Variants in GPS1 observed in about 807,000 individuals in gnomAD.
GPS1 encodes the protein COP9 signalosome complex subunit 1.
GPS1 carries 11 observed loss-of-function variants against 60.0 expected under a neutral mutation model. The ratio of observed to expected loss-of-function variants is 0.18; its 90% CI spans 0.12 to 0.30. GPS1 has a LOEUF of 0.30. Ranked by LOEUF, GPS1 falls within the 10% of genes least tolerant of loss-of-function variation. The pLI is 1.00. For missense variants in GPS1, 543 were observed against 669.2 expected (o/e 0.81, Z 2.08); for synonymous variants, 343 against 269.8 (o/e 1.27, Z -2.66).
In GPS1 at chr17:82,051,928, C is replaced by T. The variant is rs965593751; in HGVS notation, c.-4C>T. On this transcript the variant is annotated 5_prime_UTR_variant, in exon 1 of 13. Coordinates refer to ENST00000578552, the MANE Select transcript of GPS1 (RefSeq NM_001321092.3). The surrounding 1 kb of genome is among the most constrained non-coding windows in gnomAD (Gnocchi z 4.1). Reference sequence around the variant, plus strand: ...ACGGCACGCCGCGGCGGGGTGGGTGCAAGATGCCGCTGCCGGTTCAGGTGT... The same window carrying T: ...ACGGCACGCCGCGGCGGGGTGGGTGTAAGATGCCGCTGCCGGTTCAGGTGT... The T allele has an allele frequency of 6.0e-6, 7 of 1,163,584 alleles. No homozygotes were observed. The highest frequency in any genetic ancestry group is 4.7e-5 in the Admixed American group (1 of 21,208). 72.1% of individuals were successfully genotyped at this position (1,163,584 alleles called of 1,614,324 possible).
chr17:82,057,176 C>T lies in GPS1; in HGVS notation c.*49C>T, dbSNP rs57800087. ...CATCTGCACCCCCTCCCCACCTCCA[C>T]GGACCTCGGACCTCCAGGCGGCTCA... On this transcript the variant is annotated 3_prime_UTR_variant, in exon 13 of 13. Transcript: ENST00000578552. The T allele has an allele frequency of 1.3e-3, 2,014 of 1,573,414 alleles. 17 individuals are homozygous for T. In the African/African-American group the frequency reaches 0.021, roughly 16 times the overall value.
Position 82,056,487 on chromosome 17 carries a change from C to T in GPS1, c.1053C>T (p.Asp351=). 6.2e-7 allele frequency: 1 copy of T among 1,613,200 alleles called. No homozygotes were observed. Among genetic ancestry groups the T allele is most frequent in the Non-Finnish European group, 8.5e-7 (1 of 1,179,992 alleles). The change falls in exon 10 of 13, where the codon GAC becomes GAT. Residue 351 remains aspartate (D), a synonymous_variant. Transcript: ENST00000578552. The part of the protein sequence containing the change: ...LDEMKDNLLL[D]MYLAPHVRTL... The stretch of plus-strand genomic sequence containing the variant: ...TTCCCCAGGACAACCTGCTCCTGGA[C>T]ATGTATCTGGCCCCCCATGTCAGGA...
intron 1 of GPS1, 30 bp from the exon 2 acceptor site, chr17:82,053,244 G>A (rs1427548723): frequency 1.3e-6 from 2 of 1,512,778 alleles, no homozygotes; most frequent in Non-Finnish European, 8.8e-7. Context: ...TCCCCAGGAC[G>A]AGGTGCCAGG....
At chr17:82,055,109 G>A (rs765071154) in intron 5 of GPS1, 53 bp from the exon 6 acceptor site, 2 of 1,564,692 alleles carry the variant, frequency 1.3e-6, no homozygotes, top group Non-Finnish European at 1.7e-6. Flanking sequence ...GCTGGGCATC[G>A]AGCTCTAGGA....
chr17:82,056,026 T>C lies in GPS1; in HGVS notation c.860T>C (p.Ile287Thr). 1 of 1,612,134 alleles carries C rather than the reference T, an allele frequency of 6.2e-7. No individual in the cohort carries two copies. Among genetic ancestry groups the C allele is most frequent in the African/African-American group, 1.3e-5 (1 of 75,044 alleles). Residue 287 changes from isoleucine (I) to threonine (T), a missense_variant, in exon 8 of 13, where the codon ATC becomes ACC. By Grantham distance (89) the Ile-to-Thr change is moderately conservative (BLOSUM62 -1). Transcript: ENST00000578552. ...PELLSPSNVA[I>T]YGGLCALATF... ...CTGCTGTCCCCCAGCAACGTGGCCA[T>C]CTACGGTGGCCTGTGCGCCTTGGCT...
intron 3 of GPS1, 80 bp downstream of exon 3, chr17:82,054,129 C>G (rs866563479): frequency 2.1e-6 from 3 of 1,423,612 alleles, no homozygotes; most frequent in Admixed American, 4.6e-5. Context: ...CCTTCCTGTG[C>G]CCTGCATCTC....
intron 1 of GPS1, chr17:82,052,463 C>G (rs367679480): frequency 4.2e-5 from 67 of 1,608,634 alleles, no homozygotes; most frequent in Non-Finnish European, 5.6e-5. Context: ...CTACGAGGTA[C>G]CTTCCAGGAC....
chr17:82,052,662 C>A (rs1033240380), intron 1 of GPS1: 88 of 628,234 alleles, frequency 1.4e-4, no homozygotes, highest in Non-Finnish European at 2.2e-4. Context: ...CGCGGGAGGC[C>A]CACGGGTCCG....
At position 82,056,547 on chromosome 17, in the gene GPS1, C is replaced by T. The variant is rs370020268; in HGVS notation, c.1113C>T (p.Ile371=). Residue 371 remains isoleucine, a synonymous_variant, in exon 10 of 13, where the codon ATC becomes ATT. Coordinates refer to ENST00000578552, the MANE Select transcript of GPS1 (RefSeq NM_001321092.3). ...LYTQIRNRAL[I]QYFSPYVSAD... ...CCCAGATTCGCAACCGTGCCCTCAT[C>T]CAGGTAAGCGTGGGGGTCAGGCTGG... 8.1e-5 allele frequency: 130 copies of T among 1,612,996 alleles called. 2 individuals carry two copies. In the South Asian group the frequency reaches 1.0e-3, roughly 13 times the overall value.
At chr17:82,052,396 GC>G in intron 1 of GPS1, 1 of 1,611,758 alleles carries the variant, frequency 6.2e-7, no homozygotes, top group African/African-American at 1.3e-5. Flanking sequence ...ACCTCGTCCT[GC>G]CCGGCACGGC....
At chr17:82,053,807 G>A (rs1373650436) in intron 2 of GPS1, 61 bp from the exon 3 acceptor site, 3 of 1,524,758 alleles carry the variant, frequency 2.0e-6, no homozygotes, top group Admixed American at 1.8e-5. Flanking sequence ...CTGACCCTCA[G>A]GGCCTGGGGC....
Position 82,056,669 on chromosome 17 carries a change from C to T in GPS1, c.1157C>T (p.Ala386Val), listed in dbSNP as rs1407346478. The T allele has an allele frequency of 1.9e-6, 3 of 1,602,612 alleles. No individual in the cohort carries two copies. The highest frequency in any genetic ancestry group is 2.2e-5 in the East Asian group (1 of 44,742). Reference sequence around the variant, plus strand: ...GTGTCAGCCGACATGCATAGGATGGCGGCAGCCTTCAATACCACGGTGGCC... The same window carrying T: ...GTGTCAGCCGACATGCATAGGATGGTGGCAGCCTTCAATACCACGGTGGCC... ...PYVSADMHRM[A>V]AAFNTTVAAL... The change falls in exon 11 of 13, where the codon GCG becomes GTG. Residue 386 changes from alanine (A) to valine (V), a missense_variant. Coordinates refer to ENST00000578552, the MANE Select transcript of GPS1 (RefSeq NM_001321092.3).
At chr17:82,051,634 C>G (rs1399620433), upstream of GPS1, 1 of 1,098,518 alleles carries the variant, frequency 9.1e-7, no homozygotes, top group East Asian at 4.8e-5. The surrounding 1 kb of genome is among the most constrained non-coding windows in gnomAD (Gnocchi z 4.1). Flanking sequence ...GACGGGGGCG[C>G]GCGCGGGGCC....
Position 82,054,697 on chromosome 17 carries a change from G to A in GPS1, c.496G>A (p.Asp166Asn), listed in dbSNP as rs1176680031. The A allele has an allele frequency of 3.1e-6, 5 of 1,612,094 alleles. No homozygotes were observed. The highest frequency in any genetic ancestry group is 3.4e-6 in the Non-Finnish European group (4 of 1,179,948). Residue 166 changes from aspartate to asparagine, a missense_variant, in exon 4 of 13, where the codon GAC becomes AAC. Coordinates refer to ENST00000578552, the MANE Select transcript of GPS1 (RefSeq NM_001321092.3). ...CCGGCGCGGCCACGACGACCTGGGCGACCACTACCTGGACTGTGGGGACCT... is the reference window on the plus strand; with the variant it reads ...CCGGCGCGGCCACGACGACCTGGGCAACCACTACCTGGACTGTGGGGACCT... ...SIRRGHDDLG[D>N]HYLDCGDLSN... is the part of the protein sequence containing the mutation.
chr17:82,057,153 TC>T lies in GPS1; in HGVS notation c.*27del. On this transcript the variant is annotated 3_prime_UTR_variant, in exon 13 of 13. Transcript: ENST00000578552. ...GGGGTGAACCTTGGCCTCCAGGACATCTGCACCCCCTCCCCACCTCCACGGA... is the reference window on the plus strand; with the variant it reads ...GGGGTGAACCTTGGCCTCCAGGACATTGCACCCCCTCCCCACCTCCACGGA... 1 of 1,568,380 alleles carries T rather than the reference TC, an allele frequency of 6.4e-7. No individual in the cohort carries two copies. Among genetic ancestry groups the T allele is most frequent in the South Asian group, 1.2e-5 (1 of 84,276 alleles).
chr17:82,056,375 T>G lies in GPS1; in HGVS notation c.1019T>G (p.Met340Arg), dbSNP rs1304461890. ...YESKYASCLK[M>R]LDEMKDNLLL... ...TCCAAGTACGCCTCATGTCTCAAGA[T>G]GCTGGACGAGATGAAGGTGGGCCCC... Residue 340 changes from methionine to arginine, a missense_variant, in exon 9 of 13, where the codon ATG becomes AGG. This residue lies in a region of GPS1 where 291 missense variants were observed against 353.7 expected (regional missense o/e 0.82). Transcript: ENST00000578552. The G allele has an allele frequency of 6.2e-7, 1 of 1,612,916 alleles. No individual in the cohort carries two copies. Among genetic ancestry groups the G allele is most frequent in the South Asian group, 1.1e-5 (1 of 91,064 alleles).
upstream of GPS1, chr17:82,051,557 G>A (rs1174768339): frequency 7.2e-7 from 1 of 1,395,226 alleles, no homozygotes; most frequent in Non-Finnish European, 9.3e-7. The surrounding 1 kb of genome is among the most constrained non-coding windows in gnomAD (Gnocchi z 4.1). Flanking sequence ...GCGGCCCGTG[G>A]TTCTTCCGGG....
intron 2 of GPS1, 66 bp downstream of exon 2, chr17:82,053,432 C>G: frequency 8.7e-7 from 1 of 1,152,926 alleles, no homozygotes; most frequent in Non-Finnish European, 1.2e-6. Flanking sequence ...GCACACTCCC[C>G]GCTGCAGCCT....
At chr17:82,051,364 A>C, upstream of GPS1, 1 of 1,460,760 alleles carries the variant, frequency 6.8e-7, no homozygotes, top group South Asian at 1.6e-5. The surrounding 1 kb of genome is among the most constrained non-coding windows in gnomAD (Gnocchi z 4.1). Flanking sequence ...ACAATCTATG[A>C]GGCTTCTGGG....
Sources: gnomAD v4.1 joint callset for allele counts on GRCh38, gnomAD v4.1.1 for gene constraint, gnomAD v4.1.1 regional missense constraint, Gnocchi (gnomAD v3.1) non-coding constraint, MANE v1.5 for transcripts, NCBI Gene and HGNC (gene_info 2026-07-23, HGNC 2026-07-21) for gene names.